Variants in RARB observed in about 807,000 individuals in gnomAD.
The protein encoded by RARB is HBV-activated protein.
A neutral mutation model predicts 51.9 loss-of-function variants in RARB; 17 were observed. That is an observed-to-expected ratio of 0.33 (90% CI 0.22 to 0.49). RARB has a LOEUF of 0.49. Among genes scored for constraint, RARB ranks in the 20% least tolerant of loss-of-function variants. The probability of loss-of-function intolerance (pLI) is 0.99; values close to 1 mark genes in which losing one functional copy is unlikely to be tolerated. For missense variants in RARB, 369 were observed against 550.8 expected (o/e 0.67, Z 3.30); for synonymous variants, 215 against 195.4 (o/e 1.10, Z -0.84).
chr3:25,207,374 GCTTT>G (rs1383264597), intron 5 of RARB, among the ~76,000 whole-genome samples: 1 of 152,138 alleles, frequency 6.6e-6, no homozygotes, highest in Non-Finnish European at 1.5e-5. Flanking sequence ...AAAGTGGTCT[GCTTT>G]TCCCAAGGAA....
intron 2 of RARB, among the ~76,000 whole-genome samples, chr3:25,034,848 C>G (rs1260003816): frequency 6.6e-6 from 1 of 152,180 alleles, no homozygotes; most frequent in Non-Finnish European, 1.5e-5. Flanking sequence ...ATTCAGAAGA[C>G]CTGGAAACAT....
chr3:24,902,549 G>C (rs554733717), intron 2 of RARB, among the ~76,000 whole-genome samples: 1 of 152,254 alleles, frequency 6.6e-6, no homozygotes, highest in South Asian at 2.1e-4. Flanking sequence ...ATTTGGTCTG[G>C]GTTGGGAATT....
At chr3:25,259,237 T>C (rs889948131) in intron 5 of RARB, among the ~76,000 whole-genome samples, 14 of 152,134 alleles carry the variant, frequency 9.2e-5, no homozygotes, top group African/African-American at 3.1e-4. Context: ...CTTTCCATAA[T>C]AGGGAGTTTT....
chr3:25,455,286 A>T (rs752834918), intron 1 of RARB, among the ~76,000 whole-genome samples: 7 of 152,002 alleles, frequency 4.6e-5, no homozygotes, highest in Non-Finnish European at 7.4e-5. Context: ...TTTCCTGGAG[A>T]TTCATTTGTA....
At chr3:25,538,519 A>G (rs757146975) in intron 3 of RARB, among the ~76,000 whole-genome samples, 1 of 152,192 alleles carries the variant, frequency 6.6e-6, no homozygotes, top group Non-Finnish European at 1.5e-5. Flanking sequence ...TGGTCCATGG[A>G]CCAGAGATGT....
intron 3 of RARB, among the ~76,000 whole-genome samples, chr3:25,107,064 C>G (rs1452339778): frequency 1.3e-5 from 2 of 152,064 alleles, no homozygotes; most frequent in African/African-American, 2.4e-5. Flanking sequence ...CTATACCCAG[C>G]TAATTTTTGT....
At chr3:24,969,836 T>C (rs1696354931) in intron 2 of RARB, among the ~76,000 whole-genome samples, 1 of 152,106 alleles carries the variant, frequency 6.6e-6, no homozygotes, top group Admixed American at 6.6e-5. Flanking sequence ...TACAGTTTCA[T>C]TGTTAAATAT....
intron 3 of RARB, among the ~76,000 whole-genome samples, chr3:25,529,039 A>G (rs1351927278): frequency 6.6e-6 from 1 of 151,920 alleles, no homozygotes; most frequent in Non-Finnish European, 1.5e-5. Flanking sequence ...CAATTGTTCA[A>G]TTTTGAGCAG....
chr3:25,109,315 G>A (rs752821396), intron 3 of RARB, among the ~76,000 whole-genome samples: 15 of 152,012 alleles, frequency 9.9e-5, no homozygotes, highest in Non-Finnish European at 2.2e-4. Flanking sequence ...ATGAGTGATG[G>A]GTTCTTTGAT....
rs538184600 is a variant in RARB, at chr3:25,058,455, A to G, written c.-379-1670A>G. On this transcript the variant is annotated intron_variant, in intron 2 of 11. Coordinates refer to the RARB transcript ENST00000383772. ...CAGTTCTGTCCTTTTATCTCTGGCC[A>G]TTGAACAAATGTGAAATCTGTACTA... Among the ~76,000 whole-genome samples the G allele has an allele frequency of 4.0e-5, 6 of 151,650 alleles. No homozygotes were observed. In the South Asian group the frequency reaches 1.2e-3, roughly 32 times the overall value.
At chr3:24,900,996 C>A (rs749570639) in intron 2 of RARB, among the ~76,000 whole-genome samples, 6 of 152,182 alleles carry the variant, frequency 3.9e-5, no homozygotes, top group Admixed American at 2.6e-4. Context: ...GCAACCAGGA[C>A]TTAAAATATG....
chr3:25,085,655 T>C (rs896059326), intron 3 of RARB, among the ~76,000 whole-genome samples: 1 of 152,194 alleles, frequency 6.6e-6, no homozygotes, highest in African/African-American at 2.4e-5. Flanking sequence ...AAATCAGATT[T>C]TTTAGTCTTG....
At chr3:25,404,401 C>T (rs1205699494) in intron 5 of RARB, among the ~76,000 whole-genome samples, 2 of 152,120 alleles carry the variant, frequency 1.3e-5, no homozygotes, top group East Asian at 3.9e-4. Context: ...CATTTAATTC[C>T]CTGGAGCCAC....
intron 2 of RARB, among the ~76,000 whole-genome samples, chr3:24,934,722 A>T (rs768979358): frequency 6.6e-6 from 1 of 152,134 alleles, no homozygotes; most frequent in Non-Finnish European, 1.5e-5. Flanking sequence ...ATGCTTGGCC[A>T]TATTCCTATA....
chr3:25,189,940 C>T (rs1332683688), intron 5 of RARB, among the ~76,000 whole-genome samples: 4 of 151,948 alleles, frequency 2.6e-5, no homozygotes, highest in African/African-American at 4.8e-5. Flanking sequence ...GTGTGATCCC[C>T]GGATAAACTC....
At chr3:25,463,077 T>C (rs1695261517) in intron 2 of RARB, among the ~76,000 whole-genome samples, 1 of 152,196 alleles carries the variant, frequency 6.6e-6, no homozygotes, top group South Asian at 2.1e-4. Context: ...TCACGTATGT[T>C]GCCCAGGCTG....
At chr3:25,299,958 T>C (rs990612759) in intron 5 of RARB, among the ~76,000 whole-genome samples, 1 of 152,260 alleles carries the variant, frequency 6.6e-6, no homozygotes, top group Non-Finnish European at 1.5e-5. Context: ...GGCAGTATAA[T>C]TACAACTGTG....
At chr3:25,119,393 A>G (rs1189269116) in intron 3 of RARB, among the ~76,000 whole-genome samples, 1 of 152,120 alleles carries the variant, frequency 6.6e-6, no homozygotes, top group Non-Finnish European at 1.5e-5. Context: ...AGTTTTGTCA[A>G]CTGTAAGATG....
At chr3:25,245,551 T>G (rs1702538309) in intron 5 of RARB, among the ~76,000 whole-genome samples, 1 of 152,222 alleles carries the variant, frequency 6.6e-6, no homozygotes, top group Non-Finnish European at 1.5e-5. Flanking sequence ...TTAGTTCTTC[T>G]TCACTTATGA....
Sources: allele counts gnomAD v4.1 joint callset (sites outside exome capture counted in the v4.1 genomes callset), GRCh38; gene constraint gnomAD v4.1.1; transcripts MANE v1.5; gene names NCBI Gene and HGNC (gene_info 2026-07-23, HGNC 2026-07-21).